MORN1: variants seen among roughly 807,000 people sequenced by gnomAD.
The protein encoded by MORN1 is MORN repeat containing 1.
MORN1 carries 67 observed loss-of-function variants against 61.9 expected under a neutral mutation model. The ratio of observed to expected loss-of-function variants is 1.08; its 90% CI spans 0.89 to 1.33. The LOEUF is 1.33. MORN1 is among the 40% of genes most tolerant of loss of function. MORN1 has a pLI of 0.00. For synonymous variants in MORN1, 301 were observed against 292.0 expected (o/e 1.03, Z -0.31); for missense variants, 752 against 691.2 (o/e 1.09, Z -0.99).
chr1:2,386,941 G>A (rs893750207), intron 4 of MORN1: 3 of 160,584 alleles, frequency 1.9e-5, no homozygotes, highest in African/African-American at 7.2e-5. Flanking sequence ...ACAGAATGTG[G>A]AGGAAGTGGC....
intron 8 of MORN1, among the ~76,000 whole-genome samples, chr1:2,369,463 T>G (rs774381901): frequency 9.9e-5 from 15 of 151,968 alleles, no homozygotes; most frequent in Non-Finnish European, 1.8e-4. Flanking sequence ...ACCTTGCAGC[T>G]TTTCATGTTC....
intron 10 of MORN1, among the ~76,000 whole-genome samples, chr1:2,345,823 A>G (rs1641500484): frequency 8.6e-6 from 1 of 115,824 alleles, no homozygotes; most frequent in Non-Finnish European, 1.7e-5. Flanking sequence ...AGCCACATGT[A>G]TGCGGCCACA....
At position 2,347,037 on chromosome 1, in the gene MORN1, T is replaced by C. The variant is rs369138265; in HGVS notation, c.1037-10187A>G. ...GGGAGATAGGGAGCTTCTTGGGACA[T>C]GGGGACTCTTGGGAGATGGGGAACT... On this transcript the variant is annotated intron_variant, in intron 10 of 13. Coordinates refer to ENST00000378531, the MANE Select transcript of MORN1 (RefSeq NM_024848.3). Among the ~76,000 whole-genome samples the C allele has an allele frequency of 1.8e-4, 28 of 152,212 alleles. No homozygotes were observed. The East Asian group carries it at 3.1e-3, about 17-fold the overall frequency.
chr1:2,323,044 G>C (rs1640918822), intron 13 of MORN1: 23 of 985,328 alleles, frequency 2.3e-5, no homozygotes, highest in Non-Finnish European at 2.8e-5. Flanking sequence ...TCTCCGCCGA[G>C]CACATAAACC....
intron 6 of MORN1, chr1:2,376,811 A>C (rs1262225401): frequency 1.3e-5 from 2 of 152,084 alleles, no homozygotes; most frequent in Admixed American, 1.3e-4. Context: ...AATTCAACTG[A>C]TCCAATAGCC....
chr1:2,335,834 A>AGCCCGGCCCG (rs893953785), intron 12 of MORN1, among the ~76,000 whole-genome samples: 4 of 143,018 alleles, frequency 2.8e-5, no homozygotes, highest in African/African-American at 9.0e-5. Flanking sequence ...TCCATAGCCC[A>AGCCCGGCCCG]GCCCAGCCCA....
chr1:2,340,223 C>T (rs1641366539), intron 10 of MORN1, among the ~76,000 whole-genome samples: 1 of 152,156 alleles, frequency 6.6e-6, no homozygotes, highest in Non-Finnish European at 1.5e-5. Flanking sequence ...TGGGTGGTCA[C>T]CTCGCTTCCC....
intron 3 of MORN1, 74 bp from the exon 4 acceptor site, chr1:2,387,603 C>G (rs1642536252): frequency 9.3e-7 from 1 of 1,070,594 alleles, no homozygotes; most frequent in Admixed American, 1.7e-5. Flanking sequence ...TCTCCTCTGT[C>G]CCTGGCCCAT....
chr1:2,348,651 GCACACACGCA>G (rs1343777231), intron 10 of MORN1, among the ~76,000 whole-genome samples: 1 of 146,070 alleles, frequency 6.8e-6, no homozygotes, highest in Non-Finnish European at 1.5e-5. Context: ...GCGCAGGCAC[GCACACACGCA>G]CGCACACGCA....
chr1:2,380,560 T>C (rs1243198407), intron 6 of MORN1, among the ~76,000 whole-genome samples: 1 of 152,198 alleles, frequency 6.6e-6, no homozygotes, highest in African/African-American at 2.4e-5. Flanking sequence ...TTTTATTTTT[T>C]TGAGACAGGG....
At chr1:2,364,164 C>A (rs1046724004) in intron 8 of MORN1, among the ~76,000 whole-genome samples, 4 of 152,052 alleles carry the variant, frequency 2.6e-5, no homozygotes, top group Non-Finnish European at 5.9e-5. Flanking sequence ...ATTAATATCA[C>A]AGAAAGTAGA....
At chr1:2,347,178 G>T (rs1641536916) in intron 10 of MORN1, among the ~76,000 whole-genome samples, 1 of 152,224 alleles carries the variant, frequency 6.6e-6, no homozygotes, top group African/African-American at 2.4e-5. Flanking sequence ...CTTTGCTGGG[G>T]GAGGTGGTTT....
At chr1:2,368,718 C>A (rs12070927) in intron 8 of MORN1, among the ~76,000 whole-genome samples, 46,588 of 152,000 alleles carry the variant, frequency 0.31, 7,731 homozygotes, top group South Asian at 0.45. Flanking sequence ...AATGTAAATC[C>A]AAACCACAAG....
At chr1:2,336,660 G>A in intron 11 of MORN1, 57 bp downstream of exon 11, 3 of 1,565,740 alleles carry the variant, frequency 1.9e-6, no homozygotes, top group Non-Finnish European at 2.6e-6. Flanking sequence ...GGTGGTGGGT[G>A]GGCAGGGATA....
intron 13 of MORN1, chr1:2,323,498 C>T (rs1479412734): frequency 2.0e-6 from 2 of 985,400 alleles, no homozygotes; most frequent in South Asian, 4.7e-5. Context: ...GGGTCCGAGC[C>T]TTTGTGTAGC....
chr1:2,384,834 T>C, intron 6 of MORN1, 144 bp downstream of exon 6: 2 of 670,258 alleles, frequency 3.0e-6, no homozygotes, highest in Non-Finnish European at 4.9e-6. Context: ...AGAGAGAAAC[T>C]TATCTTCCCA....
At chr1:2,323,865 T>C (rs1053946367) in intron 13 of MORN1, 3 of 985,276 alleles carry the variant, frequency 3.0e-6, no homozygotes, top group Non-Finnish European at 3.6e-6. Context: ...TCAAGGGCTG[T>C]GTCGGCCCAG....
chr1:2,388,280 C>T lies in MORN1; in HGVS notation c.206G>A (p.Gly69Glu). The T allele has an allele frequency of 1.2e-6, 2 of 1,614,004 alleles. No homozygotes were observed. The highest frequency in any genetic ancestry group is 1.7e-6 in the Non-Finnish European group (2 of 1,180,012). Reference sequence around the variant, plus strand: ...CCGGCGGCCTTCTCCCGTGATCTCTCCGTCCACAAACGCCCCTTCGTAATA... The same window carrying T: ...CCGGCGGCCTTCTCCCGTGATCTCTTCGTCCACAAACGCCCCTTCGTAATA... The part of the protein sequence containing the change: ...GSYYEGAFVD[G>E]EITGEGRRHW... The change falls in exon 3 of 14, where the codon GGA becomes GAA. Residue 69 changes from glycine (G) to glutamate (E), a missense_variant. Physicochemically the swap from Gly to Glu is moderately conservative, Grantham distance 98. Coordinates refer to ENST00000378531, the MANE Select transcript of MORN1 (RefSeq NM_024848.3).
intron 8 of MORN1, among the ~76,000 whole-genome samples, chr1:2,362,863 C>CA (rs139162854): frequency 0.14 from 20,859 of 145,824 alleles, 1,744 homozygotes; most frequent in Middle Eastern, 0.24. Flanking sequence ...AACTCCATCT[C>CA]AAAAAAAAAA....
Sources: allele counts gnomAD v4.1 joint callset (sites outside exome capture counted in the v4.1 genomes callset), GRCh38; gene constraint gnomAD v4.1.1; transcripts MANE v1.5; gene names NCBI Gene and HGNC (gene_info 2026-07-23, HGNC 2026-07-21).